Variants in NFATC2 observed in about 807,000 individuals in gnomAD.
The protein encoded by NFATC2 is nuclear factor of activated T-cells, cytoplasmic 2.
Under a neutral mutation model 87.3 loss-of-function variants are expected in NFATC2, and 22 were observed. The ratio of observed to expected loss-of-function variants is 0.25; its 90% CI spans 0.18 to 0.36. The LOEUF (loss-of-function observed/expected upper bound fraction) is 0.36, where lower values mean the gene tolerates loss of function less well. Among genes scored for constraint, NFATC2 ranks in the 10% least tolerant of loss-of-function variants. NFATC2 has a pLI of 1.00. For missense variants in NFATC2, 1,149 were observed against 1,259.1 expected (o/e 0.91, Z 1.32); for synonymous variants, 565 against 542.2 (o/e 1.04, Z -0.58).
intron 3 of NFATC2, among the ~76,000 whole-genome samples, chr20:51,492,770 G>A (rs1282779694): frequency 1.3e-5 from 2 of 152,194 alleles, no homozygotes; most frequent in South Asian, 2.1e-4. Flanking sequence ...GAGGAAGCTC[G>A]GCCTGTCAAG....
chr20:51,438,179 C>T (rs1568977448), intron 6 of NFATC2, among the ~76,000 whole-genome samples: 1 of 152,198 alleles, frequency 6.6e-6, no homozygotes. Context: ...AACAGAGACA[C>T]ATGTCCCCTT....
chr20:51,471,547 T>A (rs959429279), intron 5 of NFATC2, among the ~76,000 whole-genome samples: 8 of 152,236 alleles, frequency 5.3e-5, no homozygotes, highest in African/African-American at 1.9e-4. Context: ...CACCACCAAT[T>A]CAGACTGATC....
chr20:51,551,295 A>G (rs1443728163), intron 1 of NFATC2, among the ~76,000 whole-genome samples: 3 of 152,272 alleles, frequency 2.0e-5, no homozygotes, highest in Admixed American at 6.5e-5. Context: ...TGAACAAGCT[A>G]TTATAATTTT....
intron 9 of NFATC2, among the ~76,000 whole-genome samples, chr20:51,419,769 G>C (rs6021192): frequency 0.012 from 1,829 of 152,158 alleles, 33 homozygotes; most frequent in African/African-American, 0.042. Flanking sequence ...GCTGGCATTC[G>C]AGAGGGATTT....
At chr20:51,396,653 G>A (rs1987190282) in intron 10 of NFATC2, among the ~76,000 whole-genome samples, 1 of 149,358 alleles carries the variant, frequency 6.7e-6, no homozygotes, top group Non-Finnish European at 1.5e-5. Context: ...GCATTCTCCA[G>A]GCCAAATCAA....
At chr20:51,457,886 C>CTTTTT in intron 5 of NFATC2, among the ~76,000 whole-genome samples, 1 of 132,936 alleles carries the variant, frequency 7.5e-6, no homozygotes, top group Non-Finnish European at 1.7e-5. Context: ...CCTCCTCGTC[C>CTTTTT]TTTTTTTTTT....
intron 4 of NFATC2, 34 bp from the exon 5 acceptor site, chr20:51,474,186 C>G: frequency 6.2e-7 from 1 of 1,608,646 alleles, no homozygotes; most frequent in Non-Finnish European, 8.5e-7. Context: ...TTGTCACCAA[C>G]TACCTTCAGG....
chr20:51,508,567 C>T (rs1449367791), intron 3 of NFATC2, among the ~76,000 whole-genome samples: 2 of 152,070 alleles, frequency 1.3e-5, no homozygotes, highest in South Asian at 4.2e-4. Context: ...TCAGAACCCC[C>T]ACATCACACA....
chr20:51,555,503 A>G (rs954084833), intron 1 of NFATC2, among the ~76,000 whole-genome samples: 2 of 152,058 alleles, frequency 1.3e-5, no homozygotes, highest in Non-Finnish European at 1.5e-5. Flanking sequence ...TGAAGCAGGA[A>G]AATGGCGTGA....
intron 9 of NFATC2, among the ~76,000 whole-genome samples, chr20:51,422,288 A>G (rs1981049468): frequency 2.6e-5 from 4 of 152,188 alleles, no homozygotes; most frequent in Admixed American, 2.6e-4. Flanking sequence ...ATGACTGTTT[A>G]AAGGGATGAG....
intron 1 of NFATC2, among the ~76,000 whole-genome samples, chr20:51,525,591 C>G (rs555954759): frequency 7.9e-5 from 12 of 151,826 alleles, no homozygotes; most frequent in African/African-American, 2.9e-4. Flanking sequence ...CCAACCTCCC[C>G]GCCAGCTCAT....
intron 9 of NFATC2, among the ~76,000 whole-genome samples, chr20:51,403,498 C>T (rs1988261929): frequency 6.6e-6 from 1 of 152,200 alleles, no homozygotes; most frequent in Non-Finnish European, 1.5e-5. Flanking sequence ...CCTATACAGT[C>T]CCTGCTACAC....
chr20:51,481,816 T>C (rs80013133), intron 3 of NFATC2, among the ~76,000 whole-genome samples: 293 of 152,308 alleles, frequency 1.9e-3, no homozygotes, highest in African/African-American at 6.6e-3. Flanking sequence ...CAGTTAGCTA[T>C]ATAAATGACG....
intron 3 of NFATC2, among the ~76,000 whole-genome samples, chr20:51,496,077 C>T (rs966882148): frequency 2.0e-5 from 3 of 152,038 alleles, no homozygotes; most frequent in Admixed American, 6.6e-5. Context: ...ACAAGATGCC[C>T]AGAGGAGCCA....
intron 3 of NFATC2, among the ~76,000 whole-genome samples, chr20:51,479,878 C>T (rs919391792): frequency 2.0e-5 from 3 of 152,208 alleles, no homozygotes; most frequent in Non-Finnish European, 4.4e-5. Flanking sequence ...TTCCCTGCCA[C>T]CCTCTCTCTG....
chr20:51,406,422 C>T (rs1312117428), intron 9 of NFATC2, among the ~76,000 whole-genome samples: 4 of 152,132 alleles, frequency 2.6e-5, no homozygotes, highest in East Asian at 3.9e-4. Flanking sequence ...TAACCTGTGG[C>T]GGGGAGCAGA....
chr20:51,549,288 T>C (rs898105553), intron 1 of NFATC2, among the ~76,000 whole-genome samples: 2 of 144,554 alleles, frequency 1.4e-5, no homozygotes, highest in African/African-American at 5.3e-5. Flanking sequence ...GTTTGTTTGT[T>C]TGAGATGGAG....
chr20:51,402,303 T>C (rs1988127507), intron 9 of NFATC2, among the ~76,000 whole-genome samples: 1 of 152,076 alleles, frequency 6.6e-6, no homozygotes, highest in African/African-American at 2.4e-5. Flanking sequence ...GCTGCACCTC[T>C]CCTATCAAGC....
At chr20:51,437,653 G>A (rs880324) in intron 6 of NFATC2, among the ~76,000 whole-genome samples, 33,147 of 151,834 alleles carry the variant, frequency 0.22, 3,789 homozygotes, top group Middle Eastern at 0.31. Flanking sequence ...CAATGAACAC[G>A]CTAGAGCCCT....
Sources: allele counts gnomAD v4.1 joint callset (sites outside exome capture counted in the v4.1 genomes callset), GRCh38; gene constraint gnomAD v4.1.1; transcripts MANE v1.5; gene names NCBI Gene and HGNC (gene_info 2026-07-23, HGNC 2026-07-21).